BRIP1: variants seen among roughly 807,000 people sequenced by gnomAD.
The protein encoded by BRIP1 is Fanconi anemia group J protein.
Under a neutral mutation model 119.7 loss-of-function variants are expected in BRIP1, and 88 were observed. The observed-to-expected ratio is 0.74, with a 90% confidence interval of 0.62 to 0.88. The LOEUF is 0.88. Among genes scored for constraint, BRIP1 ranks in the 40% least tolerant of loss-of-function variants. The pLI, the probability that BRIP1 is intolerant of heterozygous loss-of-function variation, is 0.00. For missense variants in BRIP1, 1,259 were observed against 1,455.4 expected, an observed-to-expected ratio of 0.87 and a Z score of 2.20; for synonymous variants, 443 against 496.5, an observed-to-expected ratio of 0.89 and a Z score of 1.43.
At chr17:61,847,268 A>C in intron 5 of BRIP1, 48 bp from the exon 6 acceptor site, 1 of 1,607,816 alleles carries the variant, frequency 6.2e-7, no homozygotes, top group Non-Finnish European at 8.5e-7. Flanking sequence ...TAGAAGTTTA[A>C]CTGGCTAGTT....
At position 61,689,026 on chromosome 17, in the gene BRIP1, C is replaced by A. The variant is rs148851198; in HGVS notation, c.2576-2861G>T. Among the ~76,000 whole-genome samples the A allele has an allele frequency of 1.4e-5, 2 of 145,704 alleles. No homozygotes were observed. Among genetic ancestry groups the A allele is most frequent in the East Asian group, 2.0e-4 (1 of 4,904 alleles). ...TACTTTATTTTATATATTTTATATT[C>A]TGTTATGTTATGTTATGTTATGTTA... is the stretch of plus-strand genomic sequence containing the variant. On this transcript the variant is annotated intron_variant, in intron 18 of 19. Coordinates refer to ENST00000259008, the MANE Select transcript of BRIP1 (RefSeq NM_032043.3). The surrounding 1 kb of genome is among the most constrained non-coding windows in gnomAD (Gnocchi z 4.5).
At chr17:61,784,144 A>T in intron 11 of BRIP1, 126 bp downstream of exon 11, 1 of 807,868 alleles carries the variant, frequency 1.2e-6, no homozygotes. Context: ...ATATATAATA[A>T]TATCTATAAC....
Position 61,789,482 on chromosome 17 carries a change from C to A in BRIP1, c.1473+4115G>T, listed in dbSNP as rs900629695. On this transcript the variant is annotated intron_variant, in intron 10 of 19. Coordinates refer to ENST00000259008, the MANE Select transcript of BRIP1 (RefSeq NM_032043.3). This position sits in a 1 kb window ranked among gnomAD's most constrained non-coding sequence, Gnocchi z 4.8. Reference sequence around the variant, plus strand: ...GCTTTGTAAAAGTATTTATAAATCCCATCCTTTATAAACAATAAATACCTT... The same window carrying A: ...GCTTTGTAAAAGTATTTATAAATCCAATCCTTTATAAACAATAAATACCTT... Among the ~76,000 whole-genome samples the A allele has an allele frequency of 1.5e-4, 23 of 151,916 alleles. No homozygotes were observed. The highest frequency in any genetic ancestry group is 4.6e-4 in the African/African-American group (19 of 41,374).
intron 16 of BRIP1, among the ~76,000 whole-genome samples, chr17:61,721,427 G>A (rs1301747301): frequency 2.0e-5 from 3 of 151,632 alleles, no homozygotes; most frequent in African/African-American, 2.4e-5. Flanking sequence ...GTGCCACCAC[G>A]CCCAGCTAAT....
At position 61,809,232 on chromosome 17, in the gene BRIP1, G is replaced by T. The variant is rs2078126541; in HGVS notation, c.628-475C>A. Among the ~76,000 whole-genome samples, 1 of 152,024 alleles carries T rather than the reference G, an allele frequency of 6.6e-6. No homozygotes were observed. Among genetic ancestry groups the T allele is most frequent in the African/African-American group, 2.4e-5 (1 of 41,408 alleles). On this transcript the variant is annotated intron_variant, in intron 6 of 19. Coordinates refer to ENST00000259008, the MANE Select transcript of BRIP1 (RefSeq NM_032043.3). The surrounding 1 kb of genome is among the most constrained non-coding windows in gnomAD (Gnocchi z 5.2). ...TTTAAATATAGTTTACAAAAGAATAGAATTATCAAGTTGAATCTAAAGGAT... is the reference window on the plus strand; with the variant it reads ...TTTAAATATAGTTTACAAAAGAATATAATTATCAAGTTGAATCTAAAGGAT...
chr17:61,859,775 A>G (rs1296923870), intron 3 of BRIP1, 21 bp downstream of exon 3: 4 of 1,477,544 alleles, frequency 2.7e-6, no homozygotes, highest in Non-Finnish European at 3.8e-6. Flanking sequence ...AGTAACCTGA[A>G]GATATCAAGC....
At chr17:61,797,876 A>G (rs562689719) in intron 9 of BRIP1, among the ~76,000 whole-genome samples, 2 of 152,162 alleles carry the variant, frequency 1.3e-5, no homozygotes, top group East Asian at 3.9e-4. Flanking sequence ...ACATTGGGAT[A>G]CCACTTTTCA....
chr17:61,725,151 A>G lies in BRIP1; in HGVS notation c.2380-9088T>C, dbSNP rs989519799. Among the ~76,000 whole-genome samples, 4 of 151,654 alleles carry G rather than the reference A, an allele frequency of 2.6e-5. No individual in the cohort carries two copies. Among genetic ancestry groups the G allele is most frequent in the African/African-American group, 9.7e-5 (4 of 41,112 alleles). On this transcript the variant is annotated intron_variant, in intron 16 of 19. Transcript: ENST00000259008. The surrounding 1 kb of genome is among the most constrained non-coding windows in gnomAD (Gnocchi z 5.3). ...TGTGTGTGTGTGTGTGTGTGTATATACACTTTTTTTAAATGGGGAAAATGA... is the reference window on the plus strand; with the variant it reads ...TGTGTGTGTGTGTGTGTGTGTATATGCACTTTTTTTAAATGGGGAAAATGA...
intron 6 of BRIP1, among the ~76,000 whole-genome samples, chr17:61,813,933 A>C (rs1313644001): frequency 6.6e-6 from 1 of 152,114 alleles, no homozygotes; most frequent in East Asian, 1.9e-4. Context: ...TAGTTATATT[A>C]TTTTATGAAT....
intron 4 of BRIP1, among the ~76,000 whole-genome samples, chr17:61,850,560 G>C (rs2078804280): frequency 1.3e-5 from 2 of 152,056 alleles, no homozygotes; most frequent in Admixed American, 1.3e-4. Flanking sequence ...GGCCCCAGTG[G>C]CTCACGCCTT....
intron 17 of BRIP1, among the ~76,000 whole-genome samples, chr17:61,715,174 T>A (rs917646614): frequency 6.6e-5 from 10 of 150,634 alleles, no homozygotes; most frequent in Non-Finnish European, 1.5e-4. Flanking sequence ...CACTCCAGCC[T>A]GGGCAACACA....
rs1309617242 is a variant in BRIP1, at chr17:61,767,239, G to A, written c.2097+9162C>T. Among the ~76,000 whole-genome samples, 1 of 152,052 alleles carries A rather than the reference G, an allele frequency of 6.6e-6. No homozygotes were observed. Among genetic ancestry groups the A allele is most frequent in the Non-Finnish European group, 1.5e-5 (1 of 68,000 alleles). ...ACTGGCCATTAAATATAAGGGGGAA[G>A]AAATGACCACTAAAATGTATGGTTT... is the stretch of plus-strand genomic sequence containing the variant. On this transcript the variant is annotated intron_variant, in intron 14 of 19. Coordinates refer to ENST00000259008, the MANE Select transcript of BRIP1 (RefSeq NM_032043.3). The surrounding 1 kb of genome is among the most constrained non-coding windows in gnomAD (Gnocchi z 5.7).
rs540946359 is a variant in BRIP1 at position 61,800,449 on chromosome 17, C to CT, written c.1140+803dup. The stretch of plus-strand genomic sequence containing the variant: ...AAGATAGAGTAAAGAACAAGGTATC[C>CT]TCAAGGGAGTATGAGGTAATTTTTG... On this transcript the variant is annotated intron_variant, in intron 8 of 19. Coordinates refer to ENST00000259008, the MANE Select transcript of BRIP1 (RefSeq NM_032043.3). Among the ~76,000 whole-genome samples, 104 of 152,240 alleles carry CT rather than the reference C, an allele frequency of 6.8e-4. 1 individual carries two copies. The highest frequency in any genetic ancestry group is 2.3e-3 in the African/African-American group (97 of 41,560).
At chr17:61,829,864 C>T (rs183017200) in intron 6 of BRIP1, among the ~76,000 whole-genome samples, 4 of 150,960 alleles carry the variant, frequency 2.6e-5, no homozygotes, top group Middle Eastern at 3.4e-3. Flanking sequence ...GTATAGCTTT[C>T]ATTGGTGTTT....
rs898376521 is a variant in BRIP1, at chr17:61,693,138, A to G, written c.2575+292T>C. On this transcript the variant is annotated intron_variant, in intron 18 of 19. Transcript: ENST00000259008. The surrounding 1 kb of genome is among the most constrained non-coding windows in gnomAD (Gnocchi z 4.2). Reference sequence around the variant, plus strand: ...AGAAGGACAAATACTGCATAATTCAATTTATATGAGGTATCCAAAACAGTC... The same window carrying G: ...AGAAGGACAAATACTGCATAATTCAGTTTATATGAGGTATCCAAAACAGTC... Among the ~76,000 whole-genome samples, 37 of 152,214 alleles carry G rather than the reference A, an allele frequency of 2.4e-4. No homozygotes were observed. The highest frequency in any genetic ancestry group is 8.9e-4 in the African/African-American group (37 of 41,456).
chr17:61,684,209 A>G lies in BRIP1; in HGVS notation c.2906-69T>C, dbSNP rs2061328186. 1 of 1,523,776 alleles carries G rather than the reference A, an allele frequency of 6.6e-7. No individual in the cohort carries two copies. Among genetic ancestry groups the G allele is most frequent in the Non-Finnish European group, 9.0e-7 (1 of 1,114,512 alleles). 94.4% of individuals were successfully genotyped at this position (1,523,776 alleles called of 1,614,324 possible). ...CTAACATAATTGCTAGGTTAAAATA[A>G]TTATTTATTAGAAATACCTAAATAA... On this transcript the variant is annotated intron_variant, in intron 19 of 19. Coordinates refer to ENST00000259008, the MANE Select transcript of BRIP1 (RefSeq NM_032043.3). The surrounding 1 kb of genome is among the most constrained non-coding windows in gnomAD (Gnocchi z 4.5).
chr17:61,797,161 G>A (rs1480701332), intron 9 of BRIP1, among the ~76,000 whole-genome samples: 1 of 151,950 alleles, frequency 6.6e-6, no homozygotes, highest in Non-Finnish European at 1.5e-5. Context: ...CACCAGTACT[G>A]AAGATTATAT....
intron 6 of BRIP1, among the ~76,000 whole-genome samples, chr17:61,821,613 T>C (rs888914994): frequency 1.3e-5 from 2 of 152,098 alleles, no homozygotes; most frequent in Non-Finnish European, 2.9e-5. Flanking sequence ...CACTGCAACG[T>C]TGAACTCCTA....
At chr17:61,721,016 A>G (rs2061964233) in intron 16 of BRIP1, among the ~76,000 whole-genome samples, 1 of 150,872 alleles carries the variant, frequency 6.6e-6, no homozygotes, top group Admixed American at 6.6e-5. Context: ...TAATTTTTGT[A>G]TTTTTAGTAG....
Sources: gnomAD v4.1 joint callset for allele counts (sites outside exome capture counted in the v4.1 genomes callset) on GRCh38, gnomAD v4.1.1 for gene constraint, Gnocchi (gnomAD v3.1) non-coding constraint, MANE v1.5 for transcripts, NCBI Gene and HGNC (gene_info 2026-07-23, HGNC 2026-07-21) for gene names.